GPC5: variants seen among roughly 807,000 people sequenced by gnomAD.
The protein encoded by GPC5 is glypican-5.
Under a neutral mutation model 53.9 loss-of-function variants are expected in GPC5, and 47 were observed. The observed-to-expected ratio is 0.87, with a 90% confidence interval of 0.69 to 1.11. GPC5 has a LOEUF of 1.11. GPC5 is among the 50% of genes most tolerant of loss of function. The pLI is 0.00. For missense variants in GPC5, 748 were observed against 713.1 expected (o/e 1.05, Z -0.56); for synonymous variants, 286 against 263.3 (o/e 1.09, Z -0.84).
At chr13:91,974,984 A>T (rs2040284452) in intron 6 of GPC5, among the ~76,000 whole-genome samples, 1 of 152,176 alleles carries the variant, frequency 6.6e-6, no homozygotes, top group Non-Finnish European at 1.5e-5. Flanking sequence ...CAACCATCTG[A>T]TCTCTCACAA....
At chr13:91,973,967 G>T (rs531415460) in intron 6 of GPC5, among the ~76,000 whole-genome samples, 10 of 152,312 alleles carry the variant, frequency 6.6e-5, no homozygotes, top group Admixed American at 5.9e-4. Flanking sequence ...CCCGTTCTCA[G>T]ATCTCCAGCT....
intron 7 of GPC5, among the ~76,000 whole-genome samples, chr13:92,188,545 G>T (rs2042200242): frequency 6.6e-6 from 1 of 151,934 alleles, no homozygotes; most frequent in South Asian, 2.1e-4. Flanking sequence ...GACAATAATG[G>T]TATGAAATAA....
intron 6 of GPC5, among the ~76,000 whole-genome samples, chr13:91,947,659 G>A (rs938268521): frequency 6.6e-6 from 1 of 152,218 alleles, no homozygotes; most frequent in African/African-American, 2.4e-5. Context: ...TGAGGAAACA[G>A]TGGCATAGAA....
At chr13:92,495,614 C>A (rs1244808414) in intron 7 of GPC5, among the ~76,000 whole-genome samples, 1 of 128,702 alleles carries the variant, frequency 7.8e-6, no homozygotes, top group Non-Finnish European at 1.6e-5. Flanking sequence ...TCATTACAAT[C>A]TTTAAGGAGA....
chr13:92,095,623 C>T (rs1036814317), intron 6 of GPC5, among the ~76,000 whole-genome samples: 5 of 152,212 alleles, frequency 3.3e-5, no homozygotes, highest in African/African-American at 1.2e-4. Flanking sequence ...CAACCTCCAC[C>T]TCCTGGGTTC....
At chr13:91,966,294 C>T (rs560340112) in intron 6 of GPC5, among the ~76,000 whole-genome samples, 2 of 152,216 alleles carry the variant, frequency 1.3e-5, no homozygotes, top group African/African-American at 4.8e-5. Context: ...GAATAAACTT[C>T]TCTTATACAA....
intron 2 of GPC5, among the ~76,000 whole-genome samples, chr13:91,496,055 AT>A (rs1300375918): frequency 6.6e-6 from 1 of 152,036 alleles, no homozygotes; most frequent in Non-Finnish European, 1.5e-5. Context: ...TAAATAAAAA[AT>A]AAAATTAGAT....
intron 7 of GPC5, among the ~76,000 whole-genome samples, chr13:92,851,755 G>A (rs1878810896): frequency 1.3e-5 from 2 of 151,614 alleles, no homozygotes; most frequent in Admixed American, 6.6e-5. Flanking sequence ...CAGGCGTGGT[G>A]GTGGGTGCCT....
At chr13:92,362,485 A>G (rs1370673693) in intron 7 of GPC5, among the ~76,000 whole-genome samples, 2 of 151,836 alleles carry the variant, frequency 1.3e-5, no homozygotes, top group Non-Finnish European at 2.9e-5. Context: ...TTGAAAAACT[A>G]TGGCAAGATT....
At chr13:91,736,165 A>C (rs1326183536) in intron 4 of GPC5, among the ~76,000 whole-genome samples, 2 of 151,250 alleles carry the variant, frequency 1.3e-5, no homozygotes, top group Non-Finnish European at 2.9e-5. Context: ...TGAGGGATGA[A>C]TTAAAAAATT....
At chr13:91,581,199 C>T (rs1380225539) in intron 2 of GPC5, among the ~76,000 whole-genome samples, 1 of 152,148 alleles carries the variant, frequency 6.6e-6, no homozygotes, top group Non-Finnish European at 1.5e-5. Flanking sequence ...CATATCTTTA[C>T]ATATGTGTCT....
intron 7 of GPC5, among the ~76,000 whole-genome samples, chr13:92,153,037 A>C (rs1459952391): frequency 6.6e-6 from 1 of 152,220 alleles, no homozygotes; most frequent in Non-Finnish European, 1.5e-5. Context: ...GAATCAAATC[A>C]TACAGTCTCT....
At chr13:92,151,545 G>A (rs2041907601) in intron 7 of GPC5, among the ~76,000 whole-genome samples, 1 of 152,104 alleles carries the variant, frequency 6.6e-6, no homozygotes, top group Admixed American at 6.5e-5. Flanking sequence ...AGTAATGGTG[G>A]CTGATTCTGT....
At chr13:91,987,910 C>CTTATACATAATTACTTATATAT (rs2040423648) in intron 6 of GPC5, among the ~76,000 whole-genome samples, 2 of 142,858 alleles carry the variant, frequency 1.4e-5, no homozygotes, top group Admixed American at 1.4e-4. Flanking sequence ...TATAATCATA[C>CTTATACATAATTACTTATATAT]GATGTAGTAT....
intron 7 of GPC5, among the ~76,000 whole-genome samples, chr13:92,841,957 G>C (rs556490336): frequency 7.9e-5 from 12 of 152,078 alleles, no homozygotes; most frequent in African/African-American, 2.2e-4. Context: ...TTAGGTATAT[G>C]TTCAGGGTTT....
intron 6 of GPC5, among the ~76,000 whole-genome samples, chr13:91,919,346 C>T (rs1287155442): frequency 6.6e-6 from 1 of 152,178 alleles, no homozygotes; most frequent in African/African-American, 2.4e-5. Flanking sequence ...TCCTCTCTTA[C>T]AGTTGTTGAA....
At chr13:91,924,835 A>T (rs1235486254) in intron 6 of GPC5, among the ~76,000 whole-genome samples, 13 of 145,434 alleles carry the variant, frequency 8.9e-5, no homozygotes, top group Admixed American at 6.9e-5. Context: ...TACTTCATGA[A>T]TTTTTTTTTT....
chr13:92,637,426 C>T (rs1408749321), intron 7 of GPC5, among the ~76,000 whole-genome samples: 1 of 152,088 alleles, frequency 6.6e-6, no homozygotes, highest in Non-Finnish European at 1.5e-5. Context: ...AGGGTACAAA[C>T]CACTAGAAAG....
chr13:91,843,201 T>C (rs918682904), intron 5 of GPC5, among the ~76,000 whole-genome samples: 4 of 152,210 alleles, frequency 2.6e-5, no homozygotes, highest in African/African-American at 9.6e-5. Flanking sequence ...TGTTTCTAAG[T>C]ATTTATAGTC....
Sources: gnomAD v4.1 joint callset for allele counts (sites outside exome capture counted in the v4.1 genomes callset) on GRCh38, gnomAD v4.1.1 for gene constraint, MANE v1.5 for transcripts, NCBI Gene and HGNC (gene_info 2026-07-23, HGNC 2026-07-21) for gene names.